OLFML2A: variants seen among roughly 807,000 people sequenced by gnomAD.
OLFML2A encodes olfactomedin like 2A, also known as olfactomedin-like protein 2A.
A neutral mutation model predicts 60.9 loss-of-function variants in OLFML2A; 47 were observed. That is an observed-to-expected ratio of 0.77 (90% CI 0.61 to 0.98). The LOEUF (loss-of-function observed/expected upper bound fraction) is 0.98, where lower values mean the gene tolerates loss of function less well. Ranked by LOEUF, OLFML2A falls within the 50% of genes least tolerant of loss-of-function variation. The probability of loss-of-function intolerance (pLI) is 0.00; values close to 1 mark genes in which losing one functional copy is unlikely to be tolerated. For missense variants in OLFML2A, 922 were observed against 879.8 expected (o/e 1.05, Z -0.61); for synonymous variants, 372 against 375.0 (o/e 0.99, Z 0.09).
chr9:124,786,614 G>C (rs191828286), intron 1 of OLFML2A, among the ~76,000 whole-genome samples: 3,602 of 151,738 alleles, frequency 0.024, 56 homozygotes, highest in Admixed American at 0.037. Context: ...CCAGCTACTC[G>C]GGAGGCTGAG....
At position 124,810,017 on chromosome 9, in the gene OLFML2A, G is replaced by A. The variant is rs1841974723; in HGVS notation, c.1564G>A (p.Asp522Asn). The A allele has an allele frequency of 6.2e-7, 1 of 1,614,130 alleles. No homozygotes were observed. Among genetic ancestry groups the A allele is most frequent in the Non-Finnish European group, 8.5e-7 (1 of 1,180,044 alleles). The stretch of plus-strand genomic sequence containing the variant: ...GAAGTGGCGCGGACACTCGGACATT[G>A]ACTTTGCCGTGGACGAGAGCGGCCT... ...PWKWRGHSDI[D>N]FAVDESGLWV... Residue 522 changes from aspartate to asparagine, a missense_variant, in exon 8 of 8, where the codon GAC becomes AAC. Coordinates refer to ENST00000373580, the MANE Select transcript of OLFML2A (RefSeq NM_182487.4).
At chr9:124,796,680 C>T (rs1320753339) in intron 3 of OLFML2A, among the ~76,000 whole-genome samples, 4 of 152,166 alleles carry the variant, frequency 2.6e-5, no homozygotes, top group Non-Finnish European at 2.9e-5. Flanking sequence ...AAAAACCTCC[C>T]GGGGGATAAG....
rs1841270180 is a variant in OLFML2A at position 124,777,160 on chromosome 9, A to G, written c.-111A>G. Reference sequence around the variant, plus strand: ...ACCCGCGGGGCTGGCAGCAGGGTGCAGGCGCGGGGCGCGGGGCAGGCAGAG... The same window carrying G: ...ACCCGCGGGGCTGGCAGCAGGGTGCGGGCGCGGGGCGCGGGGCAGGCAGAG... On this transcript the variant is annotated 5_prime_UTR_variant, in exon 1 of 8. Transcript: ENST00000373580. This position sits in a 1 kb window ranked among gnomAD's most constrained non-coding sequence, Gnocchi z 6.2. 1.6e-5 allele frequency: 6 copies of G among 373,538 alleles called. No homozygotes were observed. In the South Asian group the frequency reaches 6.8e-4, roughly 42 times the overall value. The allele number at this position is 373,538 out of a possible 1,614,324, so 23.1% of individuals were successfully genotyped here. A position where few individuals can be genotyped will look rare whatever the true frequency, so the allele number is the denominator to read the frequency against.
At chr9:124,801,039 C>T in intron 4 of OLFML2A, 1 of 1,551,582 alleles carries the variant, frequency 6.4e-7, no homozygotes, top group Non-Finnish European at 8.7e-7. Flanking sequence ...TGCCCACGTA[C>T]TAAGACCAAT....
At chr9:124,790,386 G>A (rs1335558941) in intron 2 of OLFML2A, among the ~76,000 whole-genome samples, 1 of 152,050 alleles carries the variant, frequency 6.6e-6, no homozygotes, top group Non-Finnish European at 1.5e-5. Context: ...TGTTGGCCAG[G>A]CTGGTTTCAA....
intron 6 of OLFML2A, among the ~76,000 whole-genome samples, chr9:124,807,091 T>A (rs574196486): frequency 0.015 from 2,162 of 147,488 alleles, 34 homozygotes; most frequent in African/African-American, 0.047. Flanking sequence ...TTAAAAAAAT[T>A]TTTTTTTTTT....
chr9:124,799,060 T>C (rs959038660), intron 3 of OLFML2A, among the ~76,000 whole-genome samples: 2 of 152,170 alleles, frequency 1.3e-5, no homozygotes, highest in Non-Finnish European at 1.5e-5. Flanking sequence ...ACCATGCACA[T>C]GTATTATCTA....
intron 7 of OLFML2A, 83 bp downstream of exon 7, chr9:124,808,049 C>A: frequency 9.3e-7 from 1 of 1,069,886 alleles, no homozygotes; most frequent in Non-Finnish European, 1.4e-6. Context: ...CCTTCCTTGC[C>A]TTGTGGGTTT....
intron 5 of OLFML2A, among the ~76,000 whole-genome samples, chr9:124,803,093 G>A (rs190428681): frequency 6.6e-6 from 1 of 151,904 alleles, no homozygotes; most frequent in African/African-American, 2.4e-5. Context: ...ATTTTTAGTA[G>A]AGACGGGGTT....
At chr9:124,798,724 C>T (rs1483282451) in intron 3 of OLFML2A, among the ~76,000 whole-genome samples, 1 of 126,998 alleles carries the variant, frequency 7.9e-6, no homozygotes, top group Non-Finnish European at 1.6e-5. Context: ...GTCCCAGCTA[C>T]TCAAAAAAAA....
chr9:124,795,570 G>C (rs1319438014), intron 3 of OLFML2A, among the ~76,000 whole-genome samples: 1 of 152,206 alleles, frequency 6.6e-6, no homozygotes, highest in Non-Finnish European at 1.5e-5. Flanking sequence ...CTTGAGGCCA[G>C]AAGTTTGAGA....
At chr9:124,804,029 C>A in intron 5 of OLFML2A, 65 bp from the exon 6 acceptor site, 1 of 1,578,814 alleles carries the variant, frequency 6.3e-7, no homozygotes, top group South Asian at 1.2e-5. Flanking sequence ...CCCAGTGGAC[C>A]TTAGGGAGAC....
At chr9:124,807,082 TAA>T (rs71492424) in intron 6 of OLFML2A, among the ~76,000 whole-genome samples, 12,864 of 148,524 alleles carry the variant, frequency 0.087, 602 homozygotes, top group South Asian at 0.14. Flanking sequence ...CTCAGCTAAT[TAA>T]AAAAATTTTT....
chr9:124,794,751 AGCTGGGACTACAGGCACACACCACTGT>A (rs1038237454), intron 2 of OLFML2A, among the ~76,000 whole-genome samples: 1 of 152,050 alleles, frequency 6.6e-6, no homozygotes, highest in Non-Finnish European at 1.5e-5. Context: ...CCTCCCAAGT[AGCTGGGACTACAGGCACACACCACTGT>A]GCCTGGCTAA....
chr9:124,778,557 T>C (rs888636532), intron 1 of OLFML2A, among the ~76,000 whole-genome samples: 3 of 149,572 alleles, frequency 2.0e-5, no homozygotes, highest in African/African-American at 7.4e-5. Flanking sequence ...CTACTAAAAA[T>C]ACAAAAATTA....
intron 4 of OLFML2A, among the ~76,000 whole-genome samples, chr9:124,799,785 C>A (rs1044800400): frequency 3.9e-5 from 6 of 152,162 alleles, no homozygotes; most frequent in African/African-American, 1.4e-4. Flanking sequence ...CTAGTAGGGA[C>A]AAGCTTGTGG....
Position 124,787,169 on chromosome 9 carries a change from C to T in OLFML2A, c.285C>T (p.Ser95=). Residue 95 remains serine, a synonymous_variant, in exon 2 of 8, where the codon TCC becomes TCT. Transcript: ENST00000373580. The part of the protein sequence containing the change: ...DCRCSCTAPP[S]SLNPCENEWK... ...GCTGCTCCTGTACCGCACCTCCCTCCTCTCTCAACCCCTGTGAGAACGAGT... is the reference window on the plus strand; with the variant it reads ...GCTGCTCCTGTACCGCACCTCCCTCTTCTCTCAACCCCTGTGAGAACGAGT... 1 of 1,614,210 alleles carries T rather than the reference C, an allele frequency of 6.2e-7. No homozygotes were observed. The highest frequency in any genetic ancestry group is 8.5e-7 in the Non-Finnish European group (1 of 1,180,022).
chr9:124,804,743 C>T (rs1399013221), intron 6 of OLFML2A, among the ~76,000 whole-genome samples: 2 of 151,810 alleles, frequency 1.3e-5, no homozygotes, highest in East Asian at 1.9e-4. Flanking sequence ...CAGTCTCACT[C>T]TGTCACCCAG....
rs978003344 is a variant in OLFML2A, at chr9:124,811,532, T to TGG, written c.*1124_*1125dup. 1 of 152,576 alleles carries TGG rather than the reference T, an allele frequency of 6.6e-6. No homozygotes were observed. The highest frequency in any genetic ancestry group is 6.5e-5 in the Admixed American group (1 of 15,284). The allele number at this position is 152,576 out of a possible 1,614,324, so 9.5% of individuals were successfully genotyped here. On this transcript the variant is annotated 3_prime_UTR_variant, in exon 8 of 8. Transcript: ENST00000373580. ...CACTGGGCAGGCTGGCCCAGCAGCCTGGGGGCTGCAGAAGACATGGTGTGA... is the reference window on the plus strand; with the variant it reads ...CACTGGGCAGGCTGGCCCAGCAGCCTGGGGGGGCTGCAGAAGACATGGTGTGA...
Sources: allele counts gnomAD v4.1 joint callset (sites outside exome capture counted in the v4.1 genomes callset), GRCh38; gene constraint gnomAD v4.1.1; non-coding constraint Gnocchi (gnomAD v3.1); transcripts MANE v1.5; gene names NCBI Gene and HGNC (gene_info 2026-07-23, HGNC 2026-07-21).